PARD3B: variants seen among roughly 807,000 people sequenced by gnomAD.
PARD3B encodes the protein partitioning defective 3 homolog B.
A neutral mutation model predicts 130.2 loss-of-function variants in PARD3B; 103 were observed. The observed-to-expected ratio is 0.79, with a 90% CI of 0.67 to 0.93. The LOEUF (loss-of-function observed/expected upper bound fraction) is 0.93, where lower values mean the gene tolerates loss of function less well. PARD3B is among the 40% of genes least tolerant of loss of function. The pLI is 0.00. For synonymous variants in PARD3B, 583 were observed against 553.2 expected, an observed-to-expected ratio of 1.05 and a Z score of -0.76; for missense variants, 1,609 against 1,499.2, an observed-to-expected ratio of 1.07 and a Z score of -1.21.
chr2:205,097,864 A>G (rs1229931415), intron 4 of PARD3B, among the ~76,000 whole-genome samples: 1 of 151,266 alleles, frequency 6.6e-6, no homozygotes, highest in Non-Finnish European at 1.5e-5. Context: ...TGTGTAGTAA[A>G]TTATAGGCAT....
intron 21 of PARD3B, among the ~76,000 whole-genome samples, chr2:205,522,735 C>CA (rs2051133922): frequency 6.6e-6 from 1 of 151,960 alleles, no homozygotes; most frequent in South Asian, 2.1e-4. Flanking sequence ...GATTATTATA[C>CA]ACACAATAAA....
rs1422738344 is a variant in PARD3B, at chr2:204,975,953, C to G, written c.394+10630C>G. On this transcript the variant is annotated intron_variant, in intron 3 of 22. Coordinates refer to ENST00000406610, the MANE Select transcript of PARD3B (RefSeq NM_001302769.2). Reference sequence around the variant, plus strand: ...AAAAACTTAAATTTATTTAAAGTACCTTCCTTGACTGCCTTGTTGCCCTGT... The same window carrying G: ...AAAAACTTAAATTTATTTAAAGTACGTTCCTTGACTGCCTTGTTGCCCTGT... Among the ~76,000 whole-genome samples the G allele has an allele frequency of 2.0e-5, 3 of 152,086 alleles. No individual in the cohort carries two copies. The East Asian group carries it at 5.8e-4, about 29-fold the overall frequency.
intron 1 of PARD3B, among the ~76,000 whole-genome samples, chr2:204,549,155 CA>C (rs1356524339): frequency 1.3e-5 from 2 of 152,258 alleles, no homozygotes; most frequent in East Asian, 3.9e-4. Flanking sequence ...CCTGAAGATA[CA>C]GGGGGAGCTT....
intron 20 of PARD3B, among the ~76,000 whole-genome samples, chr2:205,475,644 G>A (rs552291635): frequency 1.4e-3 from 214 of 152,212 alleles, no homozygotes; most frequent in African/African-American, 5.0e-3. Flanking sequence ...TGGTGGCAGG[G>A]GGAGAGCCAT....
intron 18 of PARD3B, among the ~76,000 whole-genome samples, chr2:205,385,848 G>A (rs2045643164): frequency 6.6e-6 from 1 of 152,002 alleles, no homozygotes. Flanking sequence ...CCAATACTTT[G>A]CAAATTGGGA....
rs1219614906 is a variant in PARD3B at position 205,592,320 on chromosome 2, A to G, written c.3261-23136A>G. On this transcript the variant is annotated intron_variant, in intron 22 of 22. Coordinates refer to ENST00000406610, the MANE Select transcript of PARD3B (RefSeq NM_001302769.2). This position sits in a 1 kb window ranked among gnomAD's most constrained non-coding sequence, Gnocchi z 4.5. Reference sequence around the variant, plus strand: ...GCCTTGGGAGCTTGGTCATTAGGCAACAAGCAAGATGCCAGTCACTGGGAG... The same window carrying G: ...GCCTTGGGAGCTTGGTCATTAGGCAGCAAGCAAGATGCCAGTCACTGGGAG... 6.6e-6 allele frequency among the ~76,000 whole-genome samples: 1 copy of G among 152,200 alleles called. No individual in the cohort carries two copies. Among genetic ancestry groups the G allele is most frequent in the East Asian group, 1.9e-4 (1 of 5,196 alleles).
chr2:205,057,127 G>T (rs1699690730), intron 4 of PARD3B, among the ~76,000 whole-genome samples: 1 of 151,116 alleles, frequency 6.6e-6, no homozygotes, highest in South Asian at 2.1e-4. Context: ...GTCCACCGAG[G>T]TTCTCCTAGT....
chr2:205,477,485 T>C (rs893877405), intron 20 of PARD3B, among the ~76,000 whole-genome samples: 3 of 152,168 alleles, frequency 2.0e-5, no homozygotes, highest in Non-Finnish European at 4.4e-5. Context: ...AAATGTCTCC[T>C]GTGAAGAGAT....
chr2:205,161,396 G>T (rs2034495185), intron 11 of PARD3B, among the ~76,000 whole-genome samples: 1 of 152,136 alleles, frequency 6.6e-6, no homozygotes, highest in South Asian at 2.1e-4. Flanking sequence ...TAAACAGTAA[G>T]AGGCATCAGT....
chr2:205,542,380 G>GTGTGTGTGTGTA (rs1392791104), intron 21 of PARD3B, among the ~76,000 whole-genome samples: 3 of 147,646 alleles, frequency 2.0e-5, no homozygotes, highest in South Asian at 2.3e-4. Context: ...GTGTGTGTGT[G>GTGTGTGTGTGTA]TGTATGTATG....
intron 2 of PARD3B, among the ~76,000 whole-genome samples, chr2:204,731,994 A>C (rs1488656780): frequency 6.6e-6 from 1 of 152,004 alleles, no homozygotes; most frequent in Non-Finnish European, 1.5e-5. Context: ...AAGTTCTTTC[A>C]GTCTTAATTT....
At chr2:204,640,833 G>A (rs1182210064) in intron 1 of PARD3B, among the ~76,000 whole-genome samples, 1 of 151,370 alleles carries the variant, frequency 6.6e-6, no homozygotes, top group African/African-American at 2.4e-5. Context: ...GTGTACTAGG[G>A]TCACTAATGG....
intron 3 of PARD3B, among the ~76,000 whole-genome samples, chr2:205,017,757 T>G (rs566439059): frequency 6.6e-6 from 1 of 152,308 alleles, no homozygotes; most frequent in East Asian, 1.9e-4. Context: ...ATCCTCTTCC[T>G]GAATCATCCT....
intron 3 of PARD3B, among the ~76,000 whole-genome samples, chr2:205,023,529 AC>A (rs1287857618): frequency 3.4e-4 from 33 of 98,268 alleles, no homozygotes; most frequent in Non-Finnish European, 5.2e-4. Context: ...TAGCAGCAGT[AC>A]CCCCCCACCC....
intron 2 of PARD3B, among the ~76,000 whole-genome samples, chr2:204,836,849 T>G (rs1052192236): frequency 1.3e-5 from 2 of 152,150 alleles, no homozygotes; most frequent in East Asian, 1.9e-4. Flanking sequence ...TTTTTTCCTT[T>G]ATGGTTGTTT....
intron 2 of PARD3B, among the ~76,000 whole-genome samples, chr2:204,778,456 G>A (rs976593134): frequency 4.6e-5 from 7 of 152,138 alleles, no homozygotes; most frequent in Admixed American, 2.6e-4. Context: ...GCAGTGACAC[G>A]AAAAATGCAG....
At chr2:205,597,618 G>A (rs1208879595) in intron 22 of PARD3B, among the ~76,000 whole-genome samples, 1 of 152,162 alleles carries the variant, frequency 6.6e-6, no homozygotes, top group Non-Finnish European at 1.5e-5. Flanking sequence ...ACAGTGGCTG[G>A]ATTAACTTAC....
intron 1 of PARD3B, among the ~76,000 whole-genome samples, chr2:204,556,250 C>G (rs1297056693): frequency 1.3e-5 from 2 of 151,930 alleles, no homozygotes; most frequent in Non-Finnish European, 2.9e-5. Flanking sequence ...GAATTTGGAC[C>G]AAGCACATGG....
intron 18 of PARD3B, among the ~76,000 whole-genome samples, chr2:205,358,923 T>G (rs1368935187): frequency 6.6e-6 from 1 of 152,236 alleles, no homozygotes; most frequent in South Asian, 2.1e-4. Context: ...CATTCTTTCC[T>G]CTGAACTTGT....
Sources: gnomAD v4.1 joint callset for allele counts (sites outside exome capture counted in the v4.1 genomes callset) on GRCh38, gnomAD v4.1.1 for gene constraint, Gnocchi (gnomAD v3.1) non-coding constraint, MANE v1.5 for transcripts, NCBI Gene and HGNC (gene_info 2026-07-23, HGNC 2026-07-21) for gene names.